Variants in KCNK2 observed in about 807,000 individuals in gnomAD.
KCNK2 encodes the protein potassium two pore domain channel subfamily K member 2, also known as potassium channel subfamily K member 2.
KCNK2 carries 21 observed loss-of-function variants against 40.5 expected under a neutral mutation model. The observed-to-expected ratio is 0.52, with a 90% CI of 0.37 to 0.75. KCNK2 has a LOEUF of 0.75. Among genes scored for constraint, KCNK2 ranks in the 30% least tolerant of loss-of-function variants. The pLI is 0.00. For synonymous variants in KCNK2, 191 were observed against 202.2 expected, an observed-to-expected ratio of 0.94 and a Z score of 0.47; for missense variants, 399 against 531.6, an observed-to-expected ratio of 0.75 and a Z score of 2.45.
At chr1:215,232,231 C>G (rs911870636) in intron 6 of KCNK2, among the ~76,000 whole-genome samples, 7 of 152,100 alleles carry the variant, frequency 4.6e-5, no homozygotes, top group African/African-American at 1.7e-4. Flanking sequence ...CATGCCATAG[C>G]CATTATCCTT....
chr1:215,189,455 G>T (rs1246356903), intron 5 of KCNK2, among the ~76,000 whole-genome samples: 1 of 152,150 alleles, frequency 6.6e-6, no homozygotes, highest in African/African-American at 2.4e-5. Flanking sequence ...TAAAGGATGA[G>T]TGAGTGACAT....
intron 1 of KCNK2, among the ~76,000 whole-genome samples, chr1:215,058,384 G>A (rs1332516931): frequency 6.6e-6 from 1 of 152,180 alleles, no homozygotes; most frequent in African/African-American, 2.4e-5. Flanking sequence ...ATTGGAGTTG[G>A]ATATATGCTT....
intron 1 of KCNK2, among the ~76,000 whole-genome samples, chr1:215,048,628 A>C (rs1657870972): frequency 6.6e-6 from 1 of 152,202 alleles, no homozygotes; most frequent in South Asian, 2.1e-4. Flanking sequence ...AATGGGCCAC[A>C]AGTGTTTTTC....
intron 3 of KCNK2, among the ~76,000 whole-genome samples, chr1:215,126,962 T>C (rs190203626): frequency 2.0e-5 from 3 of 152,244 alleles, no homozygotes; most frequent in Admixed American, 2.0e-4. Flanking sequence ...GGGAAAAAAT[T>C]TGGCCTCTTC....
chr1:215,159,772 G>C (rs1396038873), intron 3 of KCNK2, among the ~76,000 whole-genome samples: 2 of 151,996 alleles, frequency 1.3e-5, no homozygotes, highest in African/African-American at 4.8e-5. Flanking sequence ...CAAAAGAAAA[G>C]AAAAGTAACT....
At chr1:215,059,953 T>C (rs1281106449) in intron 1 of KCNK2, among the ~76,000 whole-genome samples, 1 of 152,154 alleles carries the variant, frequency 6.6e-6, no homozygotes, top group Non-Finnish European at 1.5e-5. Context: ...GCTGAGGCAA[T>C]GTAGACAGAT....
intron 1 of KCNK2, among the ~76,000 whole-genome samples, chr1:215,066,376 C>T (rs1198082811): frequency 2.0e-5 from 3 of 152,086 alleles, no homozygotes; most frequent in Non-Finnish European, 4.4e-5. Flanking sequence ...ACCAAATTTA[C>T]CCCTGTATTC....
chr1:215,193,299 A>C (rs1664741088), intron 5 of KCNK2, among the ~76,000 whole-genome samples: 1 of 152,074 alleles, frequency 6.6e-6, no homozygotes, highest in African/African-American at 2.4e-5. Context: ...CTGTTTAAGC[A>C]CCTCCAGTCT....
chr1:215,010,851 A>ATTTTT (rs66945279), intron 1 of KCNK2, among the ~76,000 whole-genome samples: 1 of 125,458 alleles, frequency 8.0e-6, no homozygotes, highest in Non-Finnish European at 1.7e-5. Flanking sequence ...CAGGACACAG[A>ATTTTT]TTTTTTTTTT....
At chr1:215,201,587 A>G (rs1253576824) in intron 6 of KCNK2, among the ~76,000 whole-genome samples, 2 of 152,204 alleles carry the variant, frequency 1.3e-5, no homozygotes, top group Admixed American at 6.5e-5. Context: ...TTTAATGTTG[A>G]GTTCCTAAAT....
chr1:215,141,196 G>A (rs183638669), intron 3 of KCNK2, among the ~76,000 whole-genome samples: 3 of 151,916 alleles, frequency 2.0e-5, no homozygotes, highest in East Asian at 1.9e-4. Context: ...TACGGTTAAC[G>A]TTTTTTCTTA....
intron 2 of KCNK2, among the ~76,000 whole-genome samples, chr1:215,123,832 CAT>C (rs1661301560): frequency 1.3e-5 from 2 of 152,158 alleles, no homozygotes; most frequent in Admixed American, 1.3e-4. Context: ...TTTCTCCTAA[CAT>C]ATTGTCTTAT....
chr1:215,039,570 T>C (rs565832697), intron 1 of KCNK2, among the ~76,000 whole-genome samples: 8 of 152,258 alleles, frequency 5.3e-5, no homozygotes, highest in African/African-American at 1.7e-4. Flanking sequence ...AATTGAAATA[T>C]AAAGGTAATC....
chr1:215,031,001 T>A (rs1657170125), intron 1 of KCNK2, among the ~76,000 whole-genome samples: 1 of 151,144 alleles, frequency 6.6e-6, no homozygotes, highest in African/African-American at 2.5e-5. Context: ...TGAAAAGACC[T>A]TTTTTTCTCC....
At chr1:215,072,040 T>G (rs1366082861) in intron 1 of KCNK2, among the ~76,000 whole-genome samples, 1 of 152,224 alleles carries the variant, frequency 6.6e-6, no homozygotes, top group Non-Finnish European at 1.5e-5. Context: ...TTGATTAGTG[T>G]GTGTTTTGAC....
chr1:215,105,539 A>G (rs1660398833), intron 2 of KCNK2, among the ~76,000 whole-genome samples: 1 of 152,052 alleles, frequency 6.6e-6, no homozygotes, highest in Non-Finnish European at 1.5e-5. Context: ...GGAAATGCAC[A>G]TATTTCTTGA....
rs200745804 is a variant in KCNK2 at position 215,204,275 on chromosome 1, C to CT, written c.963+9191dup. Among the ~76,000 whole-genome samples, 869 of 150,350 alleles carry CT rather than the reference C, an allele frequency of 5.8e-3. 18 individuals are homozygous for CT. The South Asian group carries it at 0.064, about 11-fold the overall frequency. ...CAGGAAGATTACTTTTGTTTTCTTC[C>CT]TTTTTTTTAAATTTTAGGTTGAATT... On this transcript the variant is annotated intron_variant, in intron 6 of 6. Coordinates refer to ENST00000444842, the MANE Select transcript of KCNK2 (RefSeq NM_001017425.3).
chr1:215,042,888 A>G (rs1334946732), intron 1 of KCNK2, among the ~76,000 whole-genome samples: 1 of 152,030 alleles, frequency 6.6e-6, no homozygotes, highest in African/African-American at 2.4e-5. Flanking sequence ...CCTACTTACA[A>G]GGATACAAGA....
chr1:215,169,104 A>C (rs1663579853), intron 3 of KCNK2, 95 bp from the exon 4 acceptor site: 1 of 870,472 alleles, frequency 1.1e-6, no homozygotes, highest in Non-Finnish European at 1.8e-6. Flanking sequence ...TCAATTATTG[A>C]TATCTTGCAA....
Sources: allele counts gnomAD v4.1 joint callset (sites outside exome capture counted in the v4.1 genomes callset), GRCh38; gene constraint gnomAD v4.1.1; transcripts MANE v1.5; gene names NCBI Gene and HGNC (gene_info 2026-07-23, HGNC 2026-07-21).